KCND2: variants seen among roughly 807,000 people sequenced by gnomAD.
KCND2 encodes the protein A-type voltage-gated potassium channel KCND2.
A neutral mutation model predicts 54.4 loss-of-function variants in KCND2; 16 were observed. The ratio of observed to expected loss-of-function variants is 0.29; its 90% CI spans 0.20 to 0.45. The LOEUF is 0.45. Ranked by LOEUF, KCND2 falls within the 20% of genes least tolerant of loss-of-function variation. KCND2 has a pLI of 1.00. For missense variants in KCND2, 486 were observed against 824.2 expected, an observed-to-expected ratio of 0.59 and a Z score of 5.02; for synonymous variants, 317 against 310.7, an observed-to-expected ratio of 1.02 and a Z score of -0.21.
rs115941634 is a variant in KCND2 at position 120,584,785 on chromosome 7, T to A, written c.1116-148118T>A. On this transcript the variant is annotated intron_variant, in intron 1 of 5. Transcript: ENST00000331113. ...GCATGCGCGTGCACACACACACACT[T>A]TGGGTGAAAGATGCAATATTAGTTA... Among the ~76,000 whole-genome samples the A allele has an allele frequency of 7.7e-3, 1,178 of 152,230 alleles. 11 individuals are homozygous for A. The highest frequency in any genetic ancestry group is 0.027 in the African/African-American group (1,133 of 41,508).
intron 1 of KCND2, among the ~76,000 whole-genome samples, chr7:120,277,223 A>G (rs901331206): frequency 6.6e-6 from 1 of 152,258 alleles, no homozygotes; most frequent in Non-Finnish European, 1.5e-5. Context: ...CATTTAAAAA[A>G]TGAATTAGTG....
At chr7:120,298,877 G>T (rs961568250) in intron 1 of KCND2, among the ~76,000 whole-genome samples, 2 of 152,160 alleles carry the variant, frequency 1.3e-5, no homozygotes, top group Non-Finnish European at 2.9e-5. Context: ...GAGAATGGAG[G>T]CCTGGCGCGG....
intron 1 of KCND2, among the ~76,000 whole-genome samples, chr7:120,570,925 T>C (rs1237822136): frequency 1.3e-5 from 2 of 152,208 alleles, no homozygotes; most frequent in Non-Finnish European, 2.9e-5. Flanking sequence ...GTTAATAATG[T>C]TATAAATGCT....
intron 1 of KCND2, among the ~76,000 whole-genome samples, chr7:120,665,259 A>G (rs745437160): frequency 6.6e-6 from 1 of 151,980 alleles, no homozygotes; most frequent in Non-Finnish European, 1.5e-5. Context: ...TTTGTTTAAG[A>G]GTTGGGTGAT....
intron 1 of KCND2, among the ~76,000 whole-genome samples, chr7:120,520,005 A>G (rs1380421107): frequency 6.6e-6 from 1 of 152,148 alleles, no homozygotes; most frequent in African/African-American, 2.4e-5. Flanking sequence ...TATTTGCATG[A>G]AGAAAATATT....
intron 1 of KCND2, among the ~76,000 whole-genome samples, chr7:120,667,245 G>A (rs1012733801): frequency 1.4e-4 from 22 of 152,066 alleles, no homozygotes; most frequent in African/African-American, 3.9e-4. Context: ...TGATGTGGTC[G>A]ATTTACAAAG....
intron 1 of KCND2, among the ~76,000 whole-genome samples, chr7:120,583,485 A>G (rs955714818): frequency 1.3e-5 from 2 of 152,102 alleles, no homozygotes; most frequent in South Asian, 2.1e-4. Flanking sequence ...ATGAAAATCT[A>G]TTTCCTCACA....
intron 1 of KCND2, among the ~76,000 whole-genome samples, chr7:120,692,767 G>A (rs756493870): frequency 6.6e-6 from 1 of 152,198 alleles, no homozygotes; most frequent in Non-Finnish European, 1.5e-5. Flanking sequence ...GAGGGCCTGG[G>A]AGAGGATTCA....
At chr7:120,512,272 T>C (rs544959614) in intron 1 of KCND2, among the ~76,000 whole-genome samples, 29 of 152,160 alleles carry the variant, frequency 1.9e-4, no homozygotes, top group African/African-American at 6.7e-4. Flanking sequence ...TAAGAACTGG[T>C]AGAATTATAA....
chr7:120,380,872 G>A (rs773192308), intron 1 of KCND2, among the ~76,000 whole-genome samples: 45 of 152,060 alleles, frequency 3.0e-4, no homozygotes, highest in South Asian at 8.3e-4. Context: ...TGTTTTAGAT[G>A]CATTTACCTC....
intron 1 of KCND2, among the ~76,000 whole-genome samples, chr7:120,615,829 A>G (rs1793016781): frequency 1.3e-5 from 2 of 152,198 alleles, no homozygotes; most frequent in Non-Finnish European, 2.9e-5. Flanking sequence ...GGGTTTTCTA[A>G]TATTATAGCT....
At chr7:120,378,493 C>A (rs2116019390) in intron 1 of KCND2, among the ~76,000 whole-genome samples, 1 of 152,022 alleles carries the variant, frequency 6.6e-6, no homozygotes, top group Admixed American at 6.6e-5. Flanking sequence ...TCTTTAGTGG[C>A]CGCTGTATTT....
At chr7:120,468,410 T>C (rs1802409178) in intron 1 of KCND2, among the ~76,000 whole-genome samples, 1 of 152,034 alleles carries the variant, frequency 6.6e-6, no homozygotes, top group African/African-American at 2.4e-5. Flanking sequence ...CTGAACATCA[T>C]CATAAAAGGT....
intron 2 of KCND2, among the ~76,000 whole-genome samples, chr7:120,739,758 A>G (rs897330560): frequency 6.6e-6 from 1 of 151,562 alleles, no homozygotes; most frequent in Admixed American, 6.6e-5. Flanking sequence ...ATCTTGGTAC[A>G]ATAACTTTGG....
At chr7:120,708,287 C>T (rs1446736818) in intron 1 of KCND2, among the ~76,000 whole-genome samples, 1 of 152,088 alleles carries the variant, frequency 6.6e-6, no homozygotes, top group East Asian at 1.9e-4. Flanking sequence ...CCATAAATTA[C>T]AAACCTTCTA....
intron 1 of KCND2, among the ~76,000 whole-genome samples, chr7:120,440,450 T>C (rs1029977): frequency 1 from 151,703 of 152,218 alleles, 75,598 homozygotes; most frequent in Middle Eastern, 1. Flanking sequence ...TCTCTGTACT[T>C]TGTTGATTGT....
At chr7:120,397,394 G>A (rs151046500) in intron 1 of KCND2, among the ~76,000 whole-genome samples, 108 of 151,996 alleles carry the variant, frequency 7.1e-4, no homozygotes, top group African/African-American at 2.6e-3. Context: ...ATATAGTTAA[G>A]GTCTTTTGGC....
intron 1 of KCND2, among the ~76,000 whole-genome samples, chr7:120,644,215 T>C (rs1584867118): frequency 6.6e-6 from 1 of 151,998 alleles, no homozygotes; most frequent in African/African-American, 2.4e-5. Context: ...ATGGTAGGAG[T>C]GTCAGATGAC....
chr7:120,655,170 A>G (rs981637843), intron 1 of KCND2, among the ~76,000 whole-genome samples: 5 of 152,110 alleles, frequency 3.3e-5, no homozygotes, highest in Non-Finnish European at 4.4e-5. Flanking sequence ...TAAAGGAAGA[A>G]TATTTTTAAA....
Sources: gnomAD v4.1 joint callset for allele counts (sites outside exome capture counted in the v4.1 genomes callset) on GRCh38, gnomAD v4.1.1 for gene constraint, MANE v1.5 for transcripts, NCBI Gene and HGNC (gene_info 2026-07-23, HGNC 2026-07-21) for gene names.